The following CAPN13 variants were observed in gnomAD, a reference collection of about 807,000 sequenced individuals.
The protein encoded by CAPN13 is calpain-13.
CAPN13 carries 90 observed loss-of-function variants against 98.4 expected under a neutral mutation model. The ratio of observed to expected loss-of-function variants is 0.92; its 90% CI spans 0.77 to 1.09. CAPN13 has a LOEUF of 1.09. CAPN13 is among the 50% of genes least tolerant of loss of function. The pLI is 0.00. For missense variants in CAPN13, 887 were observed against 841.3 expected, an observed-to-expected ratio of 1.05 and a Z score of -0.67; for synonymous variants, 330 against 305.5, an observed-to-expected ratio of 1.08 and a Z score of -0.84.
chr2:30,734,026 T>C (rs1671228275), intron 19 of CAPN13, among the ~76,000 whole-genome samples: 1 of 152,192 alleles, frequency 6.6e-6, no homozygotes, highest in Admixed American at 6.5e-5. Flanking sequence ...AGCAGACAGA[T>C]GCCATTTGAT....
chr2:30,745,229 GC>G, intron 12 of CAPN13: 1 of 472,510 alleles, frequency 2.1e-6, no homozygotes, highest in Non-Finnish European at 4.4e-6. Context: ...CCTCATATGG[GC>G]AAGTCACCTT....
At chr2:30,756,509 C>T (rs992600241) in intron 8 of CAPN13, among the ~76,000 whole-genome samples, 4 of 152,170 alleles carry the variant, frequency 2.6e-5, no homozygotes, top group Admixed American at 6.5e-5. Flanking sequence ...ATGGGAAACA[C>T]GGGCAAATTA....
intron 22 of CAPN13, among the ~76,000 whole-genome samples, chr2:30,726,352 C>G (rs1670857081): frequency 1.3e-5 from 2 of 152,158 alleles, no homozygotes; most frequent in African/African-American, 4.8e-5. Flanking sequence ...GCTTTGTACA[C>G]TTCTATTCGG....
At chr2:30,784,620 G>A (rs1674165130) in intron 2 of CAPN13, among the ~76,000 whole-genome samples, 1 of 152,172 alleles carries the variant, frequency 6.6e-6, no homozygotes. Flanking sequence ...ACTAGTGACA[G>A]GCAGGAGCCC....
intron 1 of CAPN13, among the ~76,000 whole-genome samples, chr2:30,794,904 G>A (rs1298040304): frequency 6.6e-6 from 1 of 151,828 alleles, no homozygotes; most frequent in Non-Finnish European, 1.5e-5. Flanking sequence ...TGGGTTTTGA[G>A]AAAACTTTTG....
At chr2:30,769,482 G>A (rs530221978) in intron 5 of CAPN13, among the ~76,000 whole-genome samples, 2 of 152,242 alleles carry the variant, frequency 1.3e-5, no homozygotes, top group African/African-American at 4.8e-5. Flanking sequence ...CATCACCTGT[G>A]TGGGTGTTTA....
chr2:30,764,488 G>T (rs1482321964), intron 5 of CAPN13, among the ~76,000 whole-genome samples, 182 bp from the exon 6 acceptor site: 1 of 152,150 alleles, frequency 6.6e-6, no homozygotes. Context: ...AGCTCCAGGG[G>T]CTCCTACCAT....
chr2:30,739,629 A>C (rs1671552654), intron 15 of CAPN13, among the ~76,000 whole-genome samples: 1 of 152,138 alleles, frequency 6.6e-6, no homozygotes, highest in South Asian at 2.1e-4. Context: ...CTCGCTTTGA[A>C]CAGCAGTTAG....
chr2:30,797,193 G>A (rs1674931289), intron 1 of CAPN13, among the ~76,000 whole-genome samples: 1 of 152,062 alleles, frequency 6.6e-6, no homozygotes, highest in Admixed American at 6.6e-5. Flanking sequence ...TGCAGCCCAG[G>A]TCCCCCTCCC....
At chr2:30,783,592 C>A (rs1431405917) in intron 2 of CAPN13, among the ~76,000 whole-genome samples, 1 of 152,172 alleles carries the variant, frequency 6.6e-6, no homozygotes, top group East Asian at 1.9e-4. Flanking sequence ...CTTTTCTGCA[C>A]CAGGCATAGA....
At chr2:30,735,503 C>T (rs547978932) in intron 18 of CAPN13, among the ~76,000 whole-genome samples, 5 of 152,310 alleles carry the variant, frequency 3.3e-5, no homozygotes, top group Non-Finnish European at 5.9e-5. Context: ...TTCGTTCATT[C>T]GGAATTTCTT....
chr2:30,761,498 C>T (rs973183776), intron 7 of CAPN13, among the ~76,000 whole-genome samples: 11 of 152,286 alleles, frequency 7.2e-5, no homozygotes, highest in East Asian at 1.9e-4. Flanking sequence ...CCAGCCTCTG[C>T]GGGGACTCAT....
In CAPN13 at chr2:30,767,008, G is replaced by A. The variant is rs561968874; in HGVS notation, c.525-2702C>T. The stretch of plus-strand genomic sequence containing the variant: ...TACATTTGGGCTGTGGTCCTCATGT[G>A]CCAGACGCTGAGCTCCACAAGCAGC... On this transcript the variant is annotated intron_variant, in intron 5 of 22. Coordinates refer to ENST00000295055, the MANE Select transcript of CAPN13 (RefSeq NM_144575.3). Among the ~76,000 whole-genome samples the A allele has an allele frequency of 2.0e-4, 30 of 152,306 alleles. No homozygotes were observed. In the South Asian group the frequency reaches 3.9e-3, roughly 20 times the overall value.
chr2:30,780,186 T>C (rs1673915452), intron 2 of CAPN13, among the ~76,000 whole-genome samples: 1 of 152,168 alleles, frequency 6.6e-6, no homozygotes, highest in Non-Finnish European at 1.5e-5. Flanking sequence ...GTACATGCAG[T>C]TTTTCCTCTG....
chr2:30,754,251 A>G (rs1372130984), intron 9 of CAPN13, 39 bp downstream of exon 9: 1 of 1,503,542 alleles, frequency 6.7e-7, no homozygotes, highest in Non-Finnish European at 9.0e-7. Context: ...CTTGGGCAAT[A>G]AAAGATTTAA....
Position 30,738,458 on chromosome 2 carries a change from C to G in CAPN13, c.1537-1G>C. 6.2e-7 allele frequency: 1 copy of G among 1,602,044 alleles called. No homozygotes were observed. Among genetic ancestry groups the G allele is most frequent in the Non-Finnish European group, 8.5e-7 (1 of 1,174,034 alleles). On this transcript the variant is annotated splice_acceptor_variant, in intron 15 of 22. Transcript: ENST00000295055. LOFTEE classifies it high-confidence loss of function. ...GCTGGGTGGCATCAATGTCCAGCCT[C>G]TGATCCAAACAAGGAAGGAATGCAG... is the stretch of plus-strand genomic sequence containing the variant.
intron 12 of CAPN13, among the ~76,000 whole-genome samples, chr2:30,744,609 T>C (rs1671816820): frequency 6.6e-6 from 1 of 152,132 alleles, no homozygotes; most frequent in Non-Finnish European, 1.5e-5. Context: ...GGCAACAGTC[T>C]CCCTGCTCAC....
intron 17 of CAPN13, 118 bp from the exon 18 acceptor site, chr2:30,736,689 C>G (rs78507231): frequency 1.1e-6 from 1 of 883,934 alleles, no homozygotes; most frequent in Admixed American, 2.0e-5. Context: ...TCCATTGTCA[C>G]CTGGATGTGG....
At chr2:30,738,316 G>A (rs1489807295) in intron 16 of CAPN13, 23 bp from the exon 17 acceptor site, 6 of 1,613,748 alleles carry the variant, frequency 3.7e-6, no homozygotes, top group Non-Finnish European at 5.1e-6. Flanking sequence ...GGACAGGAAG[G>A]ACTGAAGTGT....
Sources: allele counts gnomAD v4.1 joint callset (sites outside exome capture counted in the v4.1 genomes callset), GRCh38; gene constraint gnomAD v4.1.1; transcripts MANE v1.5; gene names NCBI Gene and HGNC (gene_info 2026-07-23, HGNC 2026-07-21).